The following SSH2 variants were observed in gnomAD, a reference collection of about 807,000 sequenced individuals.
SSH2 encodes the protein slingshot protein phosphatase 2, also known as protein phosphatase Slingshot homolog 2.
SSH2 carries 37 observed loss-of-function variants against 135.2 expected under a neutral mutation model. The ratio of observed to expected loss-of-function variants is 0.27; its 90% CI spans 0.21 to 0.36. The LOEUF (loss-of-function observed/expected upper bound fraction) is 0.36, where lower values mean the gene tolerates loss of function less well. Ranked by LOEUF, SSH2 falls within the 10% of genes least tolerant of loss-of-function variation. The probability of loss-of-function intolerance (pLI) is 1.00; values close to 1 mark genes in which losing one functional copy is unlikely to be tolerated. For synonymous variants in SSH2, 628 were observed against 646.2 expected, an observed-to-expected ratio of 0.97 and a Z score of 0.43; for missense variants, 1,408 against 1,765.3, an observed-to-expected ratio of 0.80 and a Z score of 3.63.
At chr17:29,700,427 G>A (rs943971264) in intron 4 of SSH2, among the ~76,000 whole-genome samples, 8 of 152,066 alleles carry the variant, frequency 5.3e-5, no homozygotes, top group African/African-American at 1.9e-4. Context: ...ATTTTCTACG[G>A]TTCTTTTAAA....
At chr17:29,830,260 G>C (rs750887816) in intron 2 of SSH2, among the ~76,000 whole-genome samples, 29 of 152,092 alleles carry the variant, frequency 1.9e-4, no homozygotes, top group Non-Finnish European at 3.7e-4. Flanking sequence ...CTGACCTTCT[G>C]TCAGTTCCTT....
intron 1 of SSH2, among the ~76,000 whole-genome samples, chr17:29,849,856 GTATATA>G (rs59297985): frequency 0.12 from 13,618 of 118,006 alleles, 2,047 homozygotes; most frequent in African/African-American, 0.36. Context: ...AAAAAAAAAA[GTATATA>G]TATATATATA....
chr17:29,731,890 T>C (rs951236197), intron 3 of SSH2, among the ~76,000 whole-genome samples: 6 of 152,072 alleles, frequency 3.9e-5, no homozygotes, highest in Non-Finnish European at 8.8e-5. Context: ...CCACTGGAAA[T>C]TTTTTCTGCA....
At position 29,632,071 on chromosome 17, in the gene SSH2, A is replaced by C. The variant is rs748823400; in HGVS notation, c.3123T>G (p.Tyr1041Ter). ...PLPKRVEIIE[Y>*]THIVTSPNHT... ...GATTGGGTGATGTAACTATGTGGGT[A>C]TATTCAATGATTTCTACCCTCTTGG... Residue 1041 changes from tyrosine to a stop codon, truncating the protein, a stop_gained, in exon 16 of 16, where the codon TAT becomes TAG. Coordinates refer to ENST00000540801, the MANE Select transcript of SSH2 (RefSeq NM_001282129.2). LOFTEE classifies it high-confidence loss of function. 1 of 1,614,190 alleles carries C rather than the reference A, an allele frequency of 6.2e-7. No individual in the cohort carries two copies.
intron 8 of SSH2, 49 bp downstream of exon 8, chr17:29,676,771 C>A: frequency 7.0e-7 from 1 of 1,426,498 alleles, no homozygotes; most frequent in Non-Finnish European, 9.9e-7. Context: ...CAAAATATTC[C>A]TCCAATAACA....
chr17:29,876,750 C>A (rs2066039711), intron 1 of SSH2, among the ~76,000 whole-genome samples: 1 of 152,090 alleles, frequency 6.6e-6, no homozygotes. Context: ...TCTAAGACCT[C>A]AAACTATGAA....
At chr17:29,691,243 A>G (rs1175109130) in intron 5 of SSH2, among the ~76,000 whole-genome samples, 1 of 152,194 alleles carries the variant, frequency 6.6e-6, no homozygotes, top group Non-Finnish European at 1.5e-5. Context: ...ACCTCTTTGT[A>G]CCTTATCAAC....
At position 29,636,653 on chromosome 17, in the gene SSH2, C is replaced by G. The variant is rs1462272202; in HGVS notation, c.1577G>C (p.Ser526Thr). Reference sequence around the variant, plus strand: ...AAAGACAGGAGGTATGGGTGGGTGACTCTCCATGGTCTTCACCTCAGCAAT... The same window carrying G: ...AAAGACAGGAGGTATGGGTGGGTGAGTCTCCATGGTCTTCACCTCAGCAAT... The part of the protein sequence containing the change: ...DQIAEVKTME[S>T]HPPIPPVFVE... The change falls in exon 15 of 16, where the codon AGT becomes ACT. Residue 526 changes from serine (S) to threonine (T), a missense_variant. Ser to Thr is a moderately conservative substitution (Grantham distance 58, BLOSUM62 1). Transcript: ENST00000540801. The G allele has an allele frequency of 1.9e-6, 3 of 1,614,004 alleles. No homozygotes were observed. Among genetic ancestry groups the G allele is most frequent in the Non-Finnish European group, 2.5e-6 (3 of 1,180,026 alleles).
At chr17:29,656,917 T>C (rs1471270527) in intron 11 of SSH2, among the ~76,000 whole-genome samples, 1 of 152,224 alleles carries the variant, frequency 6.6e-6, no homozygotes, top group Non-Finnish European at 1.5e-5. Context: ...AAATGTCCTT[T>C]ATATTTACTC....
chr17:29,723,313 T>C (rs78410453), intron 3 of SSH2, among the ~76,000 whole-genome samples: 3,170 of 152,322 alleles, frequency 0.021, 111 homozygotes, highest in African/African-American at 0.07. Flanking sequence ...ACTGCCTTGC[T>C]TTGATATATG....
intron 1 of SSH2, among the ~76,000 whole-genome samples, chr17:29,921,146 G>A (rs1175267327): frequency 6.6e-6 from 1 of 152,148 alleles, no homozygotes; most frequent in Non-Finnish European, 1.5e-5. Flanking sequence ...AAGGGGTTGT[G>A]AGGTCAGACA....
Position 29,631,579 on chromosome 17 carries a change from G to T in SSH2, c.3615C>A (p.Asp1205Glu), listed in dbSNP as rs1437546127. The change falls in exon 16 of 16, where the codon GAC becomes GAA. Residue 1205 changes from aspartate (D) to glutamate (E), a missense_variant. Asp to Glu is a conservative substitution (Grantham distance 45). Coordinates refer to ENST00000540801, the MANE Select transcript of SSH2 (RefSeq NM_001282129.2). ...TTAGGTCTGCGCTACTTAGCTGGGA[G>T]TCCTTATATGGCACCTCACTGCCAC... ...LSSGSEVPYKDSQLSSADLSL... is the reference protein window; with the variant it reads ...LSSGSEVPYKESQLSSADLSL... 6.2e-7 allele frequency: 1 copy of T among 1,614,192 alleles called. No individual in the cohort carries two copies. Among genetic ancestry groups the T allele is most frequent in the African/African-American group, 1.3e-5 (1 of 75,042 alleles).
At chr17:29,799,074 A>T (rs940614969) in intron 2 of SSH2, among the ~76,000 whole-genome samples, 8 of 152,206 alleles carry the variant, frequency 5.3e-5, no homozygotes, top group African/African-American at 1.9e-4. Context: ...TATGCTTTTT[A>T]AAAACTAAAT....
intron 3 of SSH2, among the ~76,000 whole-genome samples, chr17:29,750,259 G>A (rs1028449952): frequency 1.3e-5 from 2 of 150,868 alleles, no homozygotes; most frequent in South Asian, 2.1e-4. Context: ...CCAACATGGC[G>A]AAACCCCATC....
chr17:29,683,113 G>T (rs2038052828), intron 6 of SSH2, among the ~76,000 whole-genome samples: 1 of 151,998 alleles, frequency 6.6e-6, no homozygotes, highest in African/African-American at 2.4e-5. Context: ...TCTCTTTGTG[G>T]CTAAATTTCC....
At chr17:29,929,773 T>C in intron 1 of SSH2, 165 bp downstream of exon 1, 1 of 629,910 alleles carries the variant, frequency 1.6e-6, no homozygotes, top group Non-Finnish European at 2.8e-6. Context: ...TTGTAGTTCC[T>C]GCTGCTAGTC....
chr17:29,656,737 T>C (rs2036796806), intron 11 of SSH2, among the ~76,000 whole-genome samples: 1 of 152,166 alleles, frequency 6.6e-6, no homozygotes, highest in African/African-American at 2.4e-5. Flanking sequence ...TCATACTTTT[T>C]CCCCCTGAAC....
intron 5 of SSH2, among the ~76,000 whole-genome samples, chr17:29,694,564 G>C (rs2038640243): frequency 6.6e-6 from 1 of 152,170 alleles, no homozygotes; most frequent in South Asian, 2.1e-4. Flanking sequence ...AGCTGCTCGG[G>C]AGGCTGAGGC....
At chr17:29,692,820 C>T (rs553784320) in intron 5 of SSH2, among the ~76,000 whole-genome samples, 12 of 152,240 alleles carry the variant, frequency 7.9e-5, no homozygotes, top group East Asian at 5.8e-4. Context: ...AGCAGTGTTT[C>T]GAAACTGGCT....
Sources: gnomAD v4.1 joint callset for allele counts (sites outside exome capture counted in the v4.1 genomes callset) on GRCh38, gnomAD v4.1.1 for gene constraint, MANE v1.5 for transcripts, NCBI Gene and HGNC (gene_info 2026-07-23, HGNC 2026-07-21) for gene names.